Variants in TMEM63B observed in about 807,000 individuals in gnomAD.
The protein encoded by TMEM63B is mechanosensitive cation channel TMEM63B.
A neutral mutation model predicts 102.6 loss-of-function variants in TMEM63B; 23 were observed. The observed-to-expected ratio is 0.22, with a 90% CI of 0.16 to 0.32. TMEM63B has a LOEUF of 0.32. TMEM63B is among the 10% of genes least tolerant of loss of function. The pLI is 1.00. For missense variants in TMEM63B, 628 were observed against 1,095.9 expected (o/e 0.57, Z 6.03); for synonymous variants, 444 against 437.0 (o/e 1.02, Z -0.20).
intron 20 of TMEM63B, 38 bp from the exon 21 acceptor site, chr6:44,153,638 A>C: frequency 6.3e-7 from 1 of 1,597,136 alleles, no homozygotes; most frequent in East Asian, 2.2e-5. Context: ...GTTCGGCAGC[A>C]CTGGTTCCGA....
Position 44,155,198 on chromosome 6 carries a change from T to G in TMEM63B, c.*315T>G. On this transcript the variant is annotated 3_prime_UTR_variant, in exon 24 of 24. Coordinates refer to ENST00000323267, the MANE Select transcript of TMEM63B (RefSeq NM_018426.3). ...GAGGGTTAATGAGAGCCAAGAGGAG[T>G]ACCTGGTGCACCTGGTGCCGGTGGC... The G allele has an allele frequency of 1.1e-5, 2 of 183,728 alleles. No individual in the cohort carries two copies. The highest frequency in any genetic ancestry group is 2.4e-5 in the African/African-American group (1 of 42,542). 11.4% of individuals were successfully genotyped at this position (183,728 alleles called of 1,614,324 possible). A position where few individuals can be genotyped will look rare whatever the true frequency, so the allele number is the denominator to read the frequency against.
At chr6:44,153,618 CA>C in intron 20 of TMEM63B, 57 bp from the exon 21 acceptor site, 1 of 1,570,910 alleles carries the variant, frequency 6.4e-7, no homozygotes, top group South Asian at 1.2e-5. Context: ...CTGTGACAGA[CA>C]CACAAAAGGT....
rs560734182 is a variant in TMEM63B at position 44,140,961 on chromosome 6, C to A, written c.712-67C>A. The A allele has an allele frequency of 2.1e-6, 3 of 1,414,630 alleles. No homozygotes were observed. In the African/African-American group the frequency reaches 4.2e-5, roughly 20 times the overall value. The allele number at this position is 1,414,630 out of a possible 1,614,324, so 87.6% of individuals were successfully genotyped here. ...AAGCCTCTTTCTCTAGTGCCCCCCA[C>A]CCCTCACATCCCCTGGCTCCACTGG... On this transcript the variant is annotated intron_variant, in intron 9 of 23. Transcript: ENST00000323267.
At chr6:44,141,468 T>G (rs566755311) in intron 10 of TMEM63B, among the ~76,000 whole-genome samples, 13 of 152,322 alleles carry the variant, frequency 8.5e-5, no homozygotes, top group Admixed American at 5.2e-4. Context: ...AGAAGCTCCT[T>G]GGTTTCCAGT....
At position 44,155,007 on chromosome 6, in the gene TMEM63B, G is replaced by A. The variant is rs1305426576; in HGVS notation, c.*124G>A. On this transcript the variant is annotated 3_prime_UTR_variant, in exon 24 of 24. Transcript: ENST00000323267. ...CTCCCCAGCCCCTGCTTTCATTAAG[G>A]TATTTAAACTTGGGGGTTTCACTGC... is the stretch of plus-strand genomic sequence containing the variant. The A allele has an allele frequency of 1.0e-6, 1 of 977,322 alleles. No individual in the cohort carries two copies. Among genetic ancestry groups the A allele is most frequent in the Non-Finnish European group, 1.4e-6 (1 of 705,482 alleles). The allele number at this position is 977,322 out of a possible 1,614,324, so 60.5% of individuals were successfully genotyped here.
At chr6:44,138,244 G>A (rs4714756) in intron 5 of TMEM63B, 264,668 of 470,282 alleles carry the variant, frequency 0.56, 81,628 homozygotes, top group East Asian at 0.81. Context: ...TCTGGACATG[G>A]GGATTCACAG....
intron 5 of TMEM63B, among the ~76,000 whole-genome samples, chr6:44,137,752 G>A (rs1048681361): frequency 1.3e-4 from 20 of 151,666 alleles, no homozygotes; most frequent in Non-Finnish European, 2.5e-4. Flanking sequence ...AGGCTAGGGT[G>A]CAGTGGTGTG....
At position 44,154,414 on chromosome 6, in the gene TMEM63B, C is replaced by A. The variant is rs761291206; in HGVS notation, c.2276C>A (p.Pro759His). Reference protein sequence around the residue: ...DTVDPRSNGRPPTAAAVPKSA... With the variant: ...DTVDPRSNGRHPTAAAVPKSA... Reference sequence around the variant, plus strand: ...GTGGACCCCAGAAGCAATGGACGGCCCCCCACTGCTGCTGCTGTCCCCAAA... The same window carrying A: ...GTGGACCCCAGAAGCAATGGACGGCACCCCACTGCTGCTGCTGTCCCCAAA... The change falls in exon 23 of 24, where the codon CCC (proline) becomes CAC (histidine). Residue 759 changes from proline (P) to histidine (H), a missense_variant. Physicochemically the swap from Pro to His is moderately conservative, Grantham distance 77. Coordinates refer to ENST00000323267, the MANE Select transcript of TMEM63B (RefSeq NM_018426.3). The A allele has an allele frequency of 2.0e-5, 33 of 1,613,928 alleles. No homozygotes were observed. Among genetic ancestry groups the A allele is most frequent in the Non-Finnish European group, 2.5e-5 (30 of 1,179,980 alleles).
intron 9 of TMEM63B, 60 bp from the exon 10 acceptor site, chr6:44,140,968 C>A (rs1459493543): frequency 2.7e-6 from 4 of 1,505,702 alleles, no homozygotes; most frequent in African/African-American, 2.8e-5. Context: ...CCACCCCTCA[C>A]ATCCCCTGGC....
At chr6:44,130,526 A>G (rs1007433416) in intron 1 of TMEM63B, among the ~76,000 whole-genome samples, 21 of 147,260 alleles carry the variant, frequency 1.4e-4, no homozygotes, top group African/African-American at 5.3e-4. Context: ...GCAGCCTGGA[A>G]CTCCCTGGGC....
At chr6:44,151,007 G>C (rs1378946360) in intron 18 of TMEM63B, among the ~76,000 whole-genome samples, 1 of 152,110 alleles carries the variant, frequency 6.6e-6, no homozygotes, top group Non-Finnish European at 1.5e-5. Flanking sequence ...ACCATCTCTA[G>C]GGAGGTCTTG....
rs752582548 is a variant in TMEM63B at position 44,152,587 on chromosome 6, C to A, written c.1837-6C>A. 13 of 1,607,096 alleles carry A rather than the reference C, an allele frequency of 8.1e-6. No individual in the cohort carries two copies. In the African/African-American group the frequency reaches 1.6e-4, roughly 20 times the overall value. On this transcript the variant is annotated splice_polypyrimidine_tract_variant and splice_region_variant and intron_variant, in intron 19 of 23. Coordinates refer to ENST00000323267, the MANE Select transcript of TMEM63B (RefSeq NM_018426.3). This position sits in a 1 kb window ranked among gnomAD's most constrained non-coding sequence, Gnocchi z 6.4. ...TGAGCCATCCTCCTGCCCGTCTCCC[C>A]CCCAGCATCAGGCCTACGAGTTCCA... is the stretch of plus-strand genomic sequence containing the variant.
chr6:44,148,873 C>T lies in TMEM63B; in HGVS notation c.1341C>T (p.Phe447=), dbSNP rs760913841. ...TCGTCCTCTTCATCCTCCTCTTCTT[C>T]CTCACCACTCCAGCCATCATCATCA... The part of the protein sequence containing the change: ...INVVLFILLF[F]LTTPAIIITT... The change falls in exon 15 of 24, where the codon TTC becomes TTT. Residue 447 remains phenylalanine (F), a synonymous_variant. Coordinates refer to ENST00000323267, the MANE Select transcript of TMEM63B (RefSeq NM_018426.3). This position sits in a 1 kb window ranked among gnomAD's most constrained non-coding sequence, Gnocchi z 5.1. The T allele has an allele frequency of 1.1e-5, 18 of 1,614,154 alleles. No individual in the cohort carries two copies. Among genetic ancestry groups the T allele is most frequent in the Non-Finnish European group, 1.4e-5 (17 of 1,180,032 alleles).
chr6:44,139,533 C>T lies in TMEM63B; in HGVS notation c.474C>T (p.Ile158=), dbSNP rs1180714891. 6.2e-7 allele frequency: 1 copy of T among 1,614,218 alleles called. No individual in the cohort carries two copies. The highest frequency in any genetic ancestry group is 1.7e-5 in the Admixed American group (1 of 60,016). ...AVHYLSFQRH[I]IGLLVVVGVL... The stretch of plus-strand genomic sequence containing the variant: ...ACTACCTGTCCTTTCAGCGGCACAT[C>T]ATCGGGCTGCTGGTGGTTGTGGGCG... Residue 158 remains isoleucine (I), a synonymous_variant, in exon 7 of 24, where the codon ATC becomes ATT. Coordinates refer to ENST00000323267, the MANE Select transcript of TMEM63B (RefSeq NM_018426.3).
At position 44,153,859 on chromosome 6, in the gene TMEM63B, C is replaced by T. The variant is rs1341421813; in HGVS notation, c.2110+16C>T. On this transcript the variant is annotated intron_variant, in intron 21 of 23. Coordinates refer to ENST00000323267, the MANE Select transcript of TMEM63B (RefSeq NM_018426.3). ...ATGCGCACGGGTGAGGGATCCCTACCCAGGGAACGGGGGGTGGCGAGCAGA... is the reference window on the plus strand; with the variant it reads ...ATGCGCACGGGTGAGGGATCCCTACTCAGGGAACGGGGGGTGGCGAGCAGA... 8.1e-6 allele frequency: 13 copies of T among 1,609,648 alleles called. No individual in the cohort carries two copies. The highest frequency in any genetic ancestry group is 1.1e-5 in the Non-Finnish European group (13 of 1,177,352).
chr6:44,146,717 C>T, intron 10 of TMEM63B, 130 bp from the exon 11 acceptor site: 1 of 941,272 alleles, frequency 1.1e-6, no homozygotes, highest in Admixed American at 1.8e-5. Context: ...CCCCAAAGTG[C>T]TGGGATTACA....
upstream of TMEM63B, chr6:44,127,294 G>C (rs1254939953): frequency 6.8e-6 from 1 of 147,868 alleles, no homozygotes; most frequent in Non-Finnish European, 1.5e-5. Flanking sequence ...GAAAGGAAGA[G>C]GAGAAGGAGG....
rs1282371858 is a variant in TMEM63B at position 44,154,413 on chromosome 6, C to T, written c.2275C>T (p.Pro759Ser). ...DTVDPRSNGR[P>S]PTAAAVPKSA... The stretch of plus-strand genomic sequence containing the variant: ...TGTGGACCCCAGAAGCAATGGACGG[C>T]CCCCCACTGCTGCTGCTGTCCCCAA... The change falls in exon 23 of 24, where the codon CCC (proline) becomes TCC (serine). Residue 759 changes from proline (P) to serine (S), a missense_variant. Physicochemically the swap from Pro to Ser is moderately conservative, Grantham distance 74. Transcript: ENST00000323267. The T allele has an allele frequency of 2.5e-6, 4 of 1,614,002 alleles. No homozygotes were observed. In the South Asian group the frequency reaches 3.3e-5, roughly 13 times the overall value.
In TMEM63B at chr6:44,134,552, T is replaced by C. The variant is rs749556463; in HGVS notation, c.-24-9T>C. On this transcript the variant is annotated splice_polypyrimidine_tract_variant and intron_variant, in intron 1 of 23. Coordinates refer to ENST00000323267, the MANE Select transcript of TMEM63B (RefSeq NM_018426.3). ...GCAAGCCCAGCTGACTGCTCCACCC[T>C]CTGCCCAGGAGGACCATGCGGCAGT... is the stretch of plus-strand genomic sequence containing the variant. 29 of 1,609,570 alleles carry C rather than the reference T, an allele frequency of 1.8e-5. No individual in the cohort carries two copies. The highest frequency in any genetic ancestry group is 8.0e-5 in the African/African-American group (6 of 74,884).
Sources: allele counts gnomAD v4.1 joint callset (sites outside exome capture counted in the v4.1 genomes callset), GRCh38; gene constraint gnomAD v4.1.1; non-coding constraint Gnocchi (gnomAD v3.1); transcripts MANE v1.5; gene names NCBI Gene and HGNC (gene_info 2026-07-23, HGNC 2026-07-21).